Variants in CNTN5 observed in about 807,000 individuals in gnomAD.
CNTN5 encodes contactin-5.
Under a neutral mutation model 129.1 loss-of-function variants are expected in CNTN5, and 77 were observed. The observed-to-expected ratio is 0.60, with a 90% confidence interval of 0.50 to 0.72. The LOEUF (loss-of-function observed/expected upper bound fraction) is 0.72, where lower values mean the gene tolerates loss of function less well. CNTN5 is among the 30% of genes least tolerant of loss of function. The pLI is 0.00. For synonymous variants in CNTN5, 509 were observed against 465.6 expected (o/e 1.09, Z -1.20); for missense variants, 1,478 against 1,328.8 (o/e 1.11, Z -1.75).
chr11:99,665,607 C>G (rs920432944), intron 3 of CNTN5, among the ~76,000 whole-genome samples: 3 of 150,564 alleles, frequency 2.0e-5, no homozygotes, highest in African/African-American at 4.9e-5. Flanking sequence ...CTGTCTCAGC[C>G]TCCCAAGTGG....
chr11:100,289,151 T>C (rs531877018), intron 18 of CNTN5, among the ~76,000 whole-genome samples: 3 of 151,664 alleles, frequency 2.0e-5, no homozygotes, highest in South Asian at 2.1e-4. Context: ...CAGGACCAGA[T>C]GGATTCACAG....
chr11:99,145,272 G>A (rs1201611158), intron 1 of CNTN5, among the ~76,000 whole-genome samples: 6 of 152,006 alleles, frequency 3.9e-5, no homozygotes, highest in Non-Finnish European at 7.4e-5. Context: ...GTATCACTAT[G>A]TTGGCCAGGC....
At chr11:100,102,272 G>A (rs1945249663) in intron 13 of CNTN5, among the ~76,000 whole-genome samples, 1 of 151,854 alleles carries the variant, frequency 6.6e-6, no homozygotes, top group Non-Finnish European at 1.5e-5. Context: ...GCAGGAGTAG[G>A]ATGGTATCTC....
intron 8 of CNTN5, among the ~76,000 whole-genome samples, chr11:99,994,564 A>AG (rs1222213983): frequency 6.6e-6 from 1 of 152,190 alleles, no homozygotes; most frequent in African/African-American, 2.4e-5. Context: ...CAGCACTCAC[A>AG]GGGACTCATG....
At chr11:100,244,039 T>C (rs1949793460) in intron 16 of CNTN5, among the ~76,000 whole-genome samples, 1 of 152,172 alleles carries the variant, frequency 6.6e-6, no homozygotes, top group Non-Finnish European at 1.5e-5. Flanking sequence ...TTATTAAGCC[T>C]AATGTCTCAG....
At chr11:100,061,069 A>C (rs1943454601) in intron 9 of CNTN5, 143 bp from the exon 10 acceptor site, 1 of 516,412 alleles carries the variant, frequency 1.9e-6, no homozygotes, top group East Asian at 3.6e-5. Flanking sequence ...GTGGAAAGTG[A>C]AATATATCAA....
chr11:99,191,761 G>T (rs192090051), intron 1 of CNTN5, among the ~76,000 whole-genome samples: 4 of 151,602 alleles, frequency 2.6e-5, no homozygotes, highest in African/African-American at 9.7e-5. Context: ...AATATCCTGA[G>T]ACAATAAAAA....
At chr11:99,232,656 C>T (rs1424409360) in intron 1 of CNTN5, among the ~76,000 whole-genome samples, 2 of 152,092 alleles carry the variant, frequency 1.3e-5, no homozygotes, top group Non-Finnish European at 2.9e-5. Flanking sequence ...CTTTCTCTTG[C>T]CTGATTGCCC....
intron 3 of CNTN5, among the ~76,000 whole-genome samples, chr11:99,633,704 G>A (rs984964564): frequency 7.2e-5 from 11 of 152,104 alleles, no homozygotes; most frequent in Admixed American, 2.6e-4. Context: ...CAAAAGAAAA[G>A]CCCATTGCTT....
At chr11:99,998,561 G>A (rs11222277) in intron 8 of CNTN5, among the ~76,000 whole-genome samples, 252 of 135,176 alleles carry the variant, frequency 1.9e-3, no homozygotes, top group East Asian at 0.018. Context: ...AATCAATATC[G>A]TGAAAATGGC....
intron 1 of CNTN5, among the ~76,000 whole-genome samples, chr11:99,214,961 T>C (rs562292171): frequency 2.0e-5 from 3 of 152,148 alleles, no homozygotes; most frequent in African/African-American, 7.2e-5. Flanking sequence ...CTCCTCTGAC[T>C]GAAAGATTTT....
chr11:100,255,724 T>C (rs1424678292), intron 16 of CNTN5, 36 bp from the exon 17 acceptor site: 1 of 1,578,536 alleles, frequency 6.3e-7, no homozygotes, highest in African/African-American at 1.3e-5. Flanking sequence ...TGATAATAAT[T>C]TGTGCTTAAC....
At chr11:99,925,624 G>T (rs1409357670) in intron 7 of CNTN5, among the ~76,000 whole-genome samples, 1 of 152,072 alleles carries the variant, frequency 6.6e-6, no homozygotes, top group Non-Finnish European at 1.5e-5. Flanking sequence ...GAGCAAAGAG[G>T]TCTTCAGTTT....
At chr11:99,196,240 A>G (rs902869760) in intron 1 of CNTN5, among the ~76,000 whole-genome samples, 14 of 151,942 alleles carry the variant, frequency 9.2e-5, no homozygotes, top group Non-Finnish European at 1.6e-4. Context: ...AGAAATATAT[A>G]TGAACCTTAT....
chr11:99,577,953 T>A (rs1216947127), intron 3 of CNTN5, among the ~76,000 whole-genome samples: 1 of 150,994 alleles, frequency 6.6e-6, no homozygotes, highest in Non-Finnish European at 1.5e-5. Context: ...GCATTAGGTA[T>A]ATCTCCTAAT....
chr11:100,158,115 C>T (rs1184915209), intron 13 of CNTN5, among the ~76,000 whole-genome samples: 1 of 151,664 alleles, frequency 6.6e-6, no homozygotes, highest in Non-Finnish European at 1.5e-5. Flanking sequence ...AAATTTTGTT[C>T]TTCAAGTGCC....
At chr11:99,906,346 G>A (rs1949505653) in intron 6 of CNTN5, among the ~76,000 whole-genome samples, 1 of 152,110 alleles carries the variant, frequency 6.6e-6, no homozygotes, top group Non-Finnish European at 1.5e-5. Context: ...TTAGCATGAA[G>A]GGGTGGGGTG....
intron 1 of CNTN5, among the ~76,000 whole-genome samples, chr11:99,045,340 A>T (rs1469971815): frequency 6.6e-6 from 1 of 152,244 alleles, no homozygotes; most frequent in Non-Finnish European, 1.5e-5. Context: ...GCCTGATAGC[A>T]TGCTAAAAAC....
At chr11:100,349,702 G>A (rs1473554294) in intron 23 of CNTN5, among the ~76,000 whole-genome samples, 2 of 151,660 alleles carry the variant, frequency 1.3e-5, no homozygotes, top group Non-Finnish European at 2.9e-5. Context: ...TACCAATTAT[G>A]AAAAAGCACA....
Sources: gnomAD v4.1 joint callset for allele counts (sites outside exome capture counted in the v4.1 genomes callset) on GRCh38, gnomAD v4.1.1 for gene constraint, MANE v1.5 for transcripts, NCBI Gene and HGNC (gene_info 2026-07-23, HGNC 2026-07-21) for gene names.